The following EPPK1 variants were observed in gnomAD, a reference collection of about 807,000 sequenced individuals.
EPPK1 encodes the protein epiplakin.
For synonymous variants in EPPK1, 1,862 were observed against 1,721.2 expected, an observed-to-expected ratio of 1.08 and a Z score of -2.03; for missense variants, 3,823 against 3,673.3, an observed-to-expected ratio of 1.04 and a Z score of -1.05.
intron 1 of EPPK1, among the ~76,000 whole-genome samples, chr8:143,873,691 A>G (rs1314000876): frequency 6.6e-6 from 1 of 151,492 alleles, no homozygotes; most frequent in African/African-American, 2.4e-5. Context: ...GCCCTGCTCC[A>G]AAAGGGCTGT....
rs1554661228 is a variant in EPPK1, at chr8:143,871,590, G to A, written c.1664C>T (p.Thr555Ile). ...CAGCCCAGAAAAGGTGACCCTGGCA[G>A]TGGCTGCAGCCTGCTCGAGGGTGGC... Reference protein sequence around the residue: ...LSATLEQAAATARVTFSGLRD... With the variant: ...LSATLEQAAAIARVTFSGLRD... Residue 555 changes from threonine to isoleucine, a missense_variant, in exon 2 of 2, where the codon ACT (threonine) becomes ATT (isoleucine). Coordinates refer to ENST00000615648, the MANE Select transcript of EPPK1 (RefSeq NM_031308.4). The A allele has an allele frequency of 1.9e-6, 3 of 1,609,304 alleles. No individual in the cohort carries two copies. The African/African-American group carries it at 4.0e-5, about 21-fold the overall frequency.
rs782021447 is a variant in EPPK1, at chr8:143,866,638, T to C, written c.6616A>G (p.Thr2206Ala). The C allele has an allele frequency of 1.2e-6, 2 of 1,612,920 alleles. No individual in the cohort carries two copies. Among genetic ancestry groups the C allele is most frequent in the East Asian group, 2.2e-5 (1 of 44,888 alleles). The change falls in exon 2 of 2, where the codon ACG becomes GCG. Residue 2206 changes from threonine to alanine, a missense_variant. Transcript: ENST00000615648. The stretch of plus-strand genomic sequence containing the variant: ...TCGTCCTCCATGAGCTCTTGCGTCG[T>C]GCTCCGTCCCGTTTCCAGGTCCTGG... ...MLQDLETGRS[T>A]TQELMEDDRV...
Position 143,870,000 on chromosome 8 carries a change from G to C in EPPK1, c.3254C>G (p.Pro1085Arg). The C allele has an allele frequency of 6.2e-7, 1 of 1,609,606 alleles. No homozygotes were observed. Among genetic ancestry groups the C allele is most frequent in the Non-Finnish European group, 8.5e-7 (1 of 1,178,224 alleles). The change falls in exon 2 of 2, where the codon CCC (proline) becomes CGC (arginine). Residue 1085 changes from proline to arginine, a missense_variant. Transcript: ENST00000615648. ...CGTGCGCCCCTGGCCGTCCGGTGTG[G>C]GGAAGGTTTCGGAGGAGCTGGACAA... The part of the protein sequence containing the change: ...TALSSSSETF[P>R]TPDGQGRTSY...
In EPPK1 at chr8:143,871,044, C is replaced by A. The variant is rs574794307; in HGVS notation, c.2210G>T (p.Arg737Leu). 9 of 1,612,952 alleles carry A rather than the reference C, an allele frequency of 5.6e-6. No individual in the cohort carries two copies. The highest frequency in any genetic ancestry group is 5.9e-6 in the Non-Finnish European group (7 of 1,179,968). ...GGVIDPVHSH[R>L]VPVDVAYRRG... ...CCGGTAGGCCACGTCCACGGGCACGCGGTGGCTGTGCACGGGGTCGATGAC... is the reference window on the plus strand; with the variant it reads ...CCGGTAGGCCACGTCCACGGGCACGAGGTGGCTGTGCACGGGGTCGATGAC... The change falls in exon 2 of 2, where the codon CGC (arginine) becomes CTC (leucine). Residue 737 changes from arginine (R) to leucine (L), a missense_variant. Transcript: ENST00000615648.
chr8:143,873,567 G>C (rs1217406641), intron 1 of EPPK1, among the ~76,000 whole-genome samples: 1 of 152,032 alleles, frequency 6.6e-6, no homozygotes, highest in Non-Finnish European at 1.5e-5. Flanking sequence ...CCTCCCGCAG[G>C]CTGTCCTTCC....
In EPPK1 at chr8:143,867,290, C is replaced by G; in HGVS notation, c.5964G>C (p.Pro1988=). ...GCTGCTTCTGCATGGCCTGGAACAG[C>G]GGGATCGTGTCTCCTGTGGCCGGAT... ...YRDPATGDTI[P]LFQAMQKQLI... The change falls in exon 2 of 2, where the codon CCG becomes CCC. Residue 1988 remains proline (P), a synonymous_variant. Transcript: ENST00000615648. 1.2e-6 allele frequency: 2 copies of G among 1,612,170 alleles called. No homozygotes were observed. Among genetic ancestry groups the G allele is most frequent in the Non-Finnish European group, 8.5e-7 (1 of 1,179,502 alleles).
In EPPK1 at chr8:143,871,057, C is replaced by A; in HGVS notation, c.2197G>T (p.Val733Leu). The change falls in exon 2 of 2, where the codon GTG becomes TTG. Residue 733 changes from valine (V) to leucine (L), a missense_variant. Physicochemically the swap from Val to Leu is conservative, Grantham distance 32. Coordinates refer to ENST00000615648, the MANE Select transcript of EPPK1 (RefSeq NM_031308.4). ...TCCACGGGCACGCGGTGGCTGTGCACGGGGTCGATGACGCCGCCCGTGGCG... is the reference window on the plus strand; with the variant it reads ...TCCACGGGCACGCGGTGGCTGTGCAAGGGGTCGATGACGCCGCCCGTGGCG... ...QIATGGVIDP[V>L]HSHRVPVDVA... 2 of 1,612,936 alleles carry A rather than the reference C, an allele frequency of 1.2e-6. No individual in the cohort carries two copies. The highest frequency in any genetic ancestry group is 1.7e-6 in the Non-Finnish European group (2 of 1,179,928).
chr8:143,866,345 G>T lies in EPPK1; in HGVS notation c.6909C>A (p.Ala2303=), dbSNP rs1206613333. The T allele has an allele frequency of 1.2e-4, 79 of 656,122 alleles. 2 individuals are homozygous for T. Among genetic ancestry groups the T allele is most frequent in the South Asian group, 9.1e-4 (46 of 50,688 alleles). The allele number at this position is 656,122 out of a possible 1,614,324, so 40.6% of individuals were successfully genotyped here. A position where few individuals can be genotyped will look rare whatever the true frequency, so the allele number is the denominator to read the frequency against. Residue 2303 remains alanine (A), a synonymous_variant, in exon 2 of 2, where the codon GCC becomes GCA. Transcript: ENST00000615648. Reference sequence around the variant, plus strand: ...CGGTGTAGCCGGTGACGGCGCGCTCGGCCGACAGCAGCTTCTCCTGGATCT... The same window carrying T: ...CGGTGTAGCCGGTGACGGCGCGCTCTGCCGACAGCAGCTTCTCCTGGATCT... ...GGEIQEKLLS[A]ERAVTGYTDP...
At position 143,869,450 on chromosome 8, in the gene EPPK1, A is replaced by T. The variant is rs1819259552; in HGVS notation, c.3804T>A (p.Asp1268Glu). The T allele has an allele frequency of 1.3e-6, 2 of 1,575,324 alleles. No individual in the cohort carries two copies. Among genetic ancestry groups the T allele is most frequent in the African/African-American group, 1.4e-5 (1 of 73,918 alleles). Reference protein sequence around the residue: ...AKASIAQAVRDGLLPTGLGQR... With the variant: ...AKASIAQAVREGLLPTGLGQR... Reference sequence around the variant, plus strand: ...GGCCCAGGCCTGTGGGCAGGAGGCCATCCCTCACGGCCTGGGCGATGCTGG... The same window carrying T: ...GGCCCAGGCCTGTGGGCAGGAGGCCTTCCCTCACGGCCTGGGCGATGCTGG... The change falls in exon 2 of 2, where the codon GAT (aspartate) becomes GAA (glutamate). Residue 1268 changes from aspartate to glutamate, a missense_variant. Physicochemically the swap from Asp to Glu is conservative, Grantham distance 45. Transcript: ENST00000615648.
In EPPK1 at chr8:143,871,990, C is replaced by T. The variant is rs111565650; in HGVS notation, c.1264G>A (p.Gly422Ser). ...RLPLEAALRCGCLDEDTQRQL... is the reference protein window; with the variant it reads ...RLPLEAALRCSCLDEDTQRQL... ...CGCTGAGTGTCTTCATCCAGGCAGC[C>T]GCAGCGCAGGGCGGCCTCCAGGGGC... Residue 422 changes from glycine (G) to serine (S), a missense_variant, in exon 2 of 2, where the codon GGC becomes AGC. Coordinates refer to ENST00000615648, the MANE Select transcript of EPPK1 (RefSeq NM_031308.4). 3.0e-4 allele frequency: 473 copies of T among 1,588,596 alleles called. 1 individual carries two copies. The African/African-American group carries it at 5.2e-3, about 17-fold the overall frequency.
rs1223385078 is a variant in EPPK1, at chr8:143,869,885, G to A, written c.3369C>T (p.Pro1123=). The change falls in exon 2 of 2, where the codon CCC becomes CCT. Residue 1123 remains proline, a synonymous_variant. Coordinates refer to ENST00000615648, the MANE Select transcript of EPPK1 (RefSeq NM_031308.4). ...GGCTCCTCTGGACCTGCTCCTCGGT[G>A]GGGAGGGCAGGAGCACTTTCTGGCA... ...LPLPESAPAL[P]TEEQVQRSLQ... is the part of the protein sequence containing the mutation. The A allele has an allele frequency of 1.9e-6, 3 of 1,606,986 alleles. No individual in the cohort carries two copies. The highest frequency in any genetic ancestry group is 1.1e-5 in the South Asian group (1 of 89,808).
chr8:143,866,958 G>C lies in EPPK1; in HGVS notation c.6296C>G (p.Thr2099Arg), dbSNP rs150650158. The stretch of plus-strand genomic sequence containing the variant: ...TTGCTCTGCCTCCAGGGCCCTTCTC[G>C]TCTCGTCATCGATGTGCTCGGAGTC... ...ARDSEHIDDE[T>R]RRALEAEQVE... Residue 2099 changes from threonine (T) to arginine (R), a missense_variant, in exon 2 of 2, where the codon ACG becomes AGG. Physicochemically the swap from Thr to Arg is moderately conservative, Grantham distance 71. Coordinates refer to ENST00000615648, the MANE Select transcript of EPPK1 (RefSeq NM_031308.4). The C allele has an allele frequency of 6.2e-7, 1 of 1,612,588 alleles. No homozygotes were observed. The highest frequency in any genetic ancestry group is 1.7e-5 in the Admixed American group (1 of 59,994).
In EPPK1 at chr8:143,866,709, G is replaced by A. The variant is rs1819122903; in HGVS notation, c.6545C>T (p.Thr2182Ile). Residue 2182 changes from threonine to isoleucine, a missense_variant, in exon 2 of 2, where the codon ACA becomes ATA. By Grantham distance (89) the Thr-to-Ile change is moderately conservative. Coordinates refer to ENST00000615648, the MANE Select transcript of EPPK1 (RefSeq NM_031308.4). ...LWFQGIRRQI[T>I]ASELLSSAII... ...GGCTGAGCTGAGGAGTTCAGAAGCT[G>A]TGATCTGTCGTCTAATTCCTTGGAA... 3 of 1,613,416 alleles carry A rather than the reference G, an allele frequency of 1.9e-6. No homozygotes were observed. Among genetic ancestry groups the A allele is most frequent in the East Asian group, 2.2e-5 (1 of 44,888 alleles).
At chr8:143,876,375 G>C (rs1394497369) in intron 1 of EPPK1, among the ~76,000 whole-genome samples, 2 of 152,210 alleles carry the variant, frequency 1.3e-5, no homozygotes. Context: ...CAGGGGCCAG[G>C]TCCACCCTGC....
Position 143,870,236 on chromosome 8 carries a change from AC to A in EPPK1, c.3017del (p.Gly1006ValfsTer21). The A allele has an allele frequency of 6.2e-7, 1 of 1,603,294 alleles. No homozygotes were observed. Among genetic ancestry groups the A allele is most frequent in the East Asian group, 2.3e-5 (1 of 44,296 alleles). On this transcript the variant is annotated frameshift_variant, in exon 2 of 2. Coordinates refer to ENST00000615648, the MANE Select transcript of EPPK1 (RefSeq NM_031308.4). LOFTEE classifies it low-confidence loss of function (END_TRUNC). This position sits in a 1 kb window ranked among gnomAD's most constrained non-coding sequence, Gnocchi z 5.2. ...AGGGGTCTCTGAAGCCAGCAATGGC[AC>A]CCTCAGCCCGCTTCAGCCTGCCATA... Reference protein sequence around the residue: ...ELYGRLKRAEGAIAGFRDPFS... With the variant: ...ELYGRLKRAEXAIAGFRDPFS...
rs369842241 is a variant in EPPK1 at position 143,867,455 on chromosome 8, C to T, written c.5799G>A (p.Ala1933=). Residue 1933 remains alanine, a synonymous_variant, in exon 2 of 2, where the codon GCG becomes GCA. Coordinates refer to ENST00000615648, the MANE Select transcript of EPPK1 (RefSeq NM_031308.4). The part of the protein sequence containing the change: ...PAAFATWLLE[A]QAATGFLLDP... The stretch of plus-strand genomic sequence containing the variant: ...CCAGGAGGAACCCGGTGGCGGCCTG[C>T]GCCTCCAGCAGCCAAGTCGCAAATG... The T allele has an allele frequency of 2.7e-5, 44 of 1,612,494 alleles. No individual in the cohort carries two copies. Among genetic ancestry groups the T allele is most frequent in the Admixed American group, 3.3e-5 (2 of 59,998 alleles).
At chr8:143,873,389 CG>C in intron 1 of EPPK1, 91 bp from the exon 2 acceptor site, 1 of 947,934 alleles carries the variant, frequency 1.1e-6, no homozygotes. Flanking sequence ...CATGCTGTCC[CG>C]GGCTGGGCTC....
rs782654733 is a variant in EPPK1 at position 143,870,444 on chromosome 8, A to G, written c.2810T>C (p.Leu937Pro). Residue 937 changes from leucine (L) to proline (P), a missense_variant, in exon 2 of 2, where the codon CTG becomes CCG. Transcript: ENST00000615648. The surrounding 1 kb of genome is among the most constrained non-coding windows in gnomAD (Gnocchi z 5.2). ...GCTGAGCCGCTGGCCAGAGGGCAGCAGCCGCACACCGCCCACAGCTCCCAG... is the reference window on the plus strand; with the variant it reads ...GCTGAGCCGCTGGCCAGAGGGCAGCGGCCGCACACCGCCCACAGCTCCCAG... ...CGLGAVGGVR[L>P]LPSGQRLSLY... 2.5e-6 allele frequency: 4 copies of G among 1,599,326 alleles called. No individual in the cohort carries two copies. In the African/African-American group the frequency reaches 4.0e-5, roughly 16 times the overall value.
In EPPK1 at chr8:143,868,550, C is replaced by G; in HGVS notation, c.4704G>C (p.Glu1568Asp). Residue 1568 changes from glutamate to aspartate, a missense_variant, in exon 2 of 2, where the codon GAG (glutamate) becomes GAC (aspartate). Coordinates refer to ENST00000615648, the MANE Select transcript of EPPK1 (RefSeq NM_031308.4). ...AEMDSVKRSL[E>D]GGNFIAGVLI... ...GGACCCCGGCAATGAAGTTGCCTCC[C>G]TCCAGGGACCGCTTCACGCTGTCCA... is the stretch of plus-strand genomic sequence containing the variant. The G allele has an allele frequency of 6.2e-7, 1 of 1,604,912 alleles. No individual in the cohort carries two copies. Among genetic ancestry groups the G allele is most frequent in the Non-Finnish European group, 8.5e-7 (1 of 1,176,356 alleles).
Sources: gnomAD v4.1 joint callset for allele counts (sites outside exome capture counted in the v4.1 genomes callset) on GRCh38, gnomAD v4.1.1 for gene constraint, Gnocchi (gnomAD v3.1) non-coding constraint, MANE v1.5 for transcripts, NCBI Gene and HGNC (gene_info 2026-07-23, HGNC 2026-07-21) for gene names.